ECPAS: variants seen among roughly 807,000 people sequenced by gnomAD.
ECPAS encodes the protein Ecm29 proteasome adaptor and scaffold.
In ECPAS, 70 loss-of-function variants were observed where a neutral mutation model predicts 255.1. The observed-to-expected ratio is 0.27, with a 90% CI of 0.23 to 0.33. ECPAS has a LOEUF of 0.33. ECPAS is among the 10% of genes least tolerant of loss of function. ECPAS has a pLI of 1.00. For missense variants in ECPAS, 1,817 were observed against 2,206.4 expected (o/e 0.82, Z 3.54); for synonymous variants, 784 against 775.0 (o/e 1.01, Z -0.19).
At position 111,440,401 on chromosome 9, in the gene ECPAS, G is replaced by A. The variant is rs199792063; in HGVS notation, c.510C>T (p.Phe170=). ...KPKTVQLLLD[F]MLDVLLMPYG... ...AAGGCATCAGAAGGACATCTAGCAT[G>A]AAGTCCAAAAGCAGCTGCACAGTCT... The change falls in exon 6 of 50, where the codon TTC becomes TTT. Residue 170 remains phenylalanine (F), a synonymous_variant. Transcript: ENST00000684092. 3 of 1,612,964 alleles carry A rather than the reference G, an allele frequency of 1.9e-6. No individual in the cohort carries two copies. The highest frequency in any genetic ancestry group is 2.5e-6 in the Non-Finnish European group (3 of 1,179,310).
chr9:111,464,529 T>C (rs989607547), intron 2 of ECPAS, among the ~76,000 whole-genome samples: 3 of 150,602 alleles, frequency 2.0e-5, no homozygotes, highest in Non-Finnish European at 4.4e-5. Flanking sequence ...AGCAAAAATA[T>C]AAAAACAATC....
intron 7 of ECPAS, among the ~76,000 whole-genome samples, chr9:111,433,686 AATT>A (rs1182810669): frequency 6.6e-6 from 1 of 152,162 alleles, no homozygotes; most frequent in Non-Finnish European, 1.5e-5. Context: ...CTGACTCCAA[AATT>A]ATTATGATAC....
At chr9:111,398,941 A>C (rs1201640440) in intron 24 of ECPAS, among the ~76,000 whole-genome samples, 1 of 152,176 alleles carries the variant, frequency 6.6e-6, no homozygotes, top group Non-Finnish European at 1.5e-5. Flanking sequence ...CGTCTCAAAA[A>C]AAAAAAGAAT....
intron 13 of ECPAS, 54 bp downstream of exon 13, chr9:111,423,145 A>G (rs937752396): frequency 8.2e-7 from 1 of 1,223,828 alleles, no homozygotes; most frequent in East Asian, 2.5e-5. Flanking sequence ...AATGCCACAT[A>G]ATTTTTCTCT....
chr9:111,416,212 T>C, intron 18 of ECPAS, 60 bp downstream of exon 18: 4 of 1,219,072 alleles, frequency 3.3e-6, no homozygotes, highest in Non-Finnish European at 4.8e-6. Flanking sequence ...CCTCTTTGGG[T>C]GTGGTGTGAT....
At chr9:111,377,996 A>G (rs1199480452) in intron 36 of ECPAS, among the ~76,000 whole-genome samples, 1 of 151,950 alleles carries the variant, frequency 6.6e-6, no homozygotes. Context: ...AATACAAAAA[A>G]TCAGCTGGGT....
chr9:111,426,531 T>C (rs2131822927), intron 10 of ECPAS, among the ~76,000 whole-genome samples: 1 of 152,118 alleles, frequency 6.6e-6, no homozygotes, highest in Admixed American at 6.6e-5. Flanking sequence ...AAGCACTCAA[T>C]CTTGTTGAAG....
intron 36 of ECPAS, among the ~76,000 whole-genome samples, 169 bp downstream of exon 36, chr9:111,378,411 C>T (rs1177319400): frequency 6.6e-6 from 1 of 152,170 alleles, no homozygotes; most frequent in East Asian, 1.9e-4. Flanking sequence ...ATTCACAAGA[C>T]AGTGTATGAG....
intron 9 of ECPAS, 31 bp downstream of exon 9, chr9:111,430,516 G>T: frequency 7.4e-7 from 1 of 1,355,496 alleles, no homozygotes; most frequent in Non-Finnish European, 1.0e-6. Context: ...TACTTTTTAC[G>T]CTGATGTGAG....
intron 15 of ECPAS, 82 bp downstream of exon 15, chr9:111,421,839 A>G: frequency 6.7e-7 from 1 of 1,500,538 alleles, no homozygotes; most frequent in Non-Finnish European, 9.0e-7. Context: ...TCCTCTTATC[A>G]AAAGTTAAGT....
intron 6 of ECPAS, among the ~76,000 whole-genome samples, chr9:111,438,721 A>G (rs954385607): frequency 1.3e-5 from 2 of 152,238 alleles, no homozygotes; most frequent in African/African-American, 4.8e-5. Flanking sequence ...CTGCCATTCT[A>G]TCAGATGCAA....
In ECPAS at chr9:111,430,651, T is replaced by C. The variant is rs1030954260; in HGVS notation, c.849-23A>G. ...AAGCTATGGAAGGTTTCAACACAGG[T>C]TGTTAAAATTATTTTTCCCCCTCCT... On this transcript the variant is annotated intron_variant, in intron 8 of 49. Coordinates refer to ENST00000684092, the MANE Select transcript of ECPAS (RefSeq NM_001364929.1). The C allele has an allele frequency of 6.7e-6, 10 of 1,493,246 alleles. No individual in the cohort carries two copies. The African/African-American group carries it at 1.2e-4, about 19-fold the overall frequency. 92.5% of individuals were successfully genotyped at this position (1,493,246 alleles called of 1,614,324 possible). A position where few individuals can be genotyped will look rare whatever the true frequency, so the allele number is the denominator to read the frequency against.
intron 2 of ECPAS, among the ~76,000 whole-genome samples, chr9:111,456,939 C>T (rs573829046): frequency 2.2e-4 from 34 of 152,086 alleles, no homozygotes; most frequent in African/African-American, 7.5e-4. Flanking sequence ...AGACTGTTTG[C>T]GAACAACAGC....
chr9:111,465,508 G>A (rs757214637), intron 2 of ECPAS, among the ~76,000 whole-genome samples: 81 of 152,022 alleles, frequency 5.3e-4, no homozygotes, highest in Non-Finnish European at 1.0e-3. Flanking sequence ...CCATTGCACT[G>A]CAGCCTGGGC....
intron 10 of ECPAS, among the ~76,000 whole-genome samples, chr9:111,426,363 T>A (rs150970071): frequency 2.1e-3 from 304 of 147,262 alleles, no homozygotes; most frequent in African/African-American, 7.2e-3. Context: ...AAAGATTACT[T>A]ACACTAAAAA....
chr9:111,452,237 T>G (rs2098261261), intron 2 of ECPAS, among the ~76,000 whole-genome samples: 1 of 152,214 alleles, frequency 6.6e-6, no homozygotes, highest in Admixed American at 6.5e-5. Context: ...TTGTTTTAGG[T>G]ACTATAATGG....
In ECPAS at chr9:111,411,068, C is replaced by T. The variant is rs768864285; in HGVS notation, c.2289G>A (p.Met763Ile). Residue 763 changes from methionine (M) to isoleucine (I), a missense_variant, in exon 22 of 50, where the codon ATG becomes ATA. Transcript: ENST00000684092. ...CCAGGTCTTGTTGCTCTGACATTCT[C>T]ATTTTCTTTTTAGCCAAATACCTTC... ...TVGRYLAKKK[M>I]RMSEQQDLER... 68 of 1,613,874 alleles carry T rather than the reference C, an allele frequency of 4.2e-5. No individual in the cohort carries two copies. The Admixed American group carries it at 1.1e-3, about 27-fold the overall frequency.
chr9:111,388,083 G>A (rs899183453), intron 31 of ECPAS, among the ~76,000 whole-genome samples: 3 of 152,094 alleles, frequency 2.0e-5, no homozygotes, highest in African/African-American at 7.2e-5. Flanking sequence ...GGTAGAATCA[G>A]TCTTATACCA....
At chr9:111,447,441 C>T (rs994957023) in intron 3 of ECPAS, among the ~76,000 whole-genome samples, 2 of 152,148 alleles carry the variant, frequency 1.3e-5, no homozygotes, top group African/African-American at 4.8e-5. Flanking sequence ...GGATTAATTA[C>T]TTAATTTTCT....
Sources: allele counts gnomAD v4.1 joint callset (sites outside exome capture counted in the v4.1 genomes callset), GRCh38; gene constraint gnomAD v4.1.1; transcripts MANE v1.5; gene names NCBI Gene and HGNC (gene_info 2026-07-23, HGNC 2026-07-21).